Variants in AKT3 observed in about 807,000 individuals in gnomAD.
The protein encoded by AKT3 is RAC-gamma serine/threonine-protein kinase.
A neutral mutation model predicts 65.3 loss-of-function variants in AKT3; 15 were observed. The observed-to-expected ratio is 0.23, with a 90% CI of 0.15 to 0.35. AKT3 has a LOEUF of 0.35. Among genes scored for constraint, AKT3 ranks in the 10% least tolerant of loss-of-function variants. The probability of loss-of-function intolerance (pLI) is 1.00; values close to 1 mark genes in which losing one functional copy is unlikely to be tolerated. For synonymous variants in AKT3, 206 were observed against 183.8 expected, an observed-to-expected ratio of 1.12 and a Z score of -0.98; for missense variants, 243 against 576.5, an observed-to-expected ratio of 0.42 and a Z score of 5.92.
At chr1:243,751,627 T>C (rs1191249341) in intron 2 of AKT3, among the ~76,000 whole-genome samples, 1 of 152,156 alleles carries the variant, frequency 6.6e-6, no homozygotes, top group Admixed American at 6.5e-5. Context: ...GGCACTTTGA[T>C]CTGGAAGATA....
chr1:243,668,856 C>A (rs746990438), intron 3 of AKT3, among the ~76,000 whole-genome samples: 4 of 152,002 alleles, frequency 2.6e-5, no homozygotes, highest in Admixed American at 2.6e-4. Context: ...AAAGTGAGAA[C>A]CTGGGGATGT....
intron 2 of AKT3, among the ~76,000 whole-genome samples, chr1:243,831,754 C>T (rs908743054): frequency 6.6e-5 from 10 of 152,086 alleles, no homozygotes; most frequent in Admixed American, 6.6e-5. Flanking sequence ...GATACTCCCC[C>T]TTTTCCATAC....
At chr1:243,494,111 A>G (rs1667234335) in intron 13 of AKT3, among the ~76,000 whole-genome samples, 1 of 152,238 alleles carries the variant, frequency 6.6e-6, no homozygotes, top group Non-Finnish European at 1.5e-5. Context: ...TGAATAGAAC[A>G]GCAAATACAT....
chr1:243,766,408 A>G (rs555138928), intron 2 of AKT3, among the ~76,000 whole-genome samples: 30 of 152,214 alleles, frequency 2.0e-4, no homozygotes, highest in Non-Finnish European at 4.0e-4. Flanking sequence ...ACTTTAATAG[A>G]GAATCTACTG....
intron 3 of AKT3, among the ~76,000 whole-genome samples, chr1:243,694,852 G>A (rs1018490805): frequency 1.2e-4 from 18 of 151,708 alleles, no homozygotes; most frequent in African/African-American, 4.4e-4. Flanking sequence ...TAAGGATATT[G>A]TCTCGTTAAA....
chr1:243,827,492 C>T (rs182084862), intron 2 of AKT3, among the ~76,000 whole-genome samples: 6 of 151,818 alleles, frequency 4.0e-5, no homozygotes, highest in Non-Finnish European at 2.9e-5. Flanking sequence ...GTTTGTATTC[C>T]ACATTAAAAA....
At chr1:243,759,038 G>C (rs1689325734) in intron 2 of AKT3, among the ~76,000 whole-genome samples, 1 of 152,218 alleles carries the variant, frequency 6.6e-6, no homozygotes, top group African/African-American at 2.4e-5. Context: ...ACAGAATAAA[G>C]GGAGGTGGCT....
chr1:243,840,295 T>C (rs1410518715), intron 2 of AKT3, among the ~76,000 whole-genome samples: 1 of 152,070 alleles, frequency 6.6e-6, no homozygotes, highest in Non-Finnish European at 1.5e-5. Context: ...AATCCATTTG[T>C]TCTCCAATGA....
At chr1:243,742,885 G>A (rs1688249250) in intron 2 of AKT3, among the ~76,000 whole-genome samples, 1 of 150,142 alleles carries the variant, frequency 6.7e-6, no homozygotes, top group Non-Finnish European at 1.5e-5. Flanking sequence ...GACCATTTAC[G>A]AAAATGAAAC....
At chr1:243,758,483 C>G (rs1445244235) in intron 2 of AKT3, among the ~76,000 whole-genome samples, 1 of 152,110 alleles carries the variant, frequency 6.6e-6, no homozygotes, top group Non-Finnish European at 1.5e-5. Flanking sequence ...GAGCATGAAG[C>G]AGGAAGTAGC....
chr1:243,787,163 C>T (rs1001319771), intron 2 of AKT3, among the ~76,000 whole-genome samples: 9 of 152,038 alleles, frequency 5.9e-5, no homozygotes, highest in African/African-American at 2.2e-4. Context: ...ATAAAGGCAA[C>T]GACAAAGTGA....
chr1:243,583,990 A>C (rs1675611209), intron 8 of AKT3, among the ~76,000 whole-genome samples: 1 of 152,186 alleles, frequency 6.6e-6, no homozygotes, highest in South Asian at 2.1e-4. Flanking sequence ...ATGGAACGAA[A>C]TTAAGACCTA....
intron 2 of AKT3, among the ~76,000 whole-genome samples, chr1:243,782,316 A>C (rs965656640): frequency 2.6e-5 from 4 of 152,236 alleles, no homozygotes; most frequent in Admixed American, 6.5e-5. Context: ...TAGGGAGCTT[A>C]TAAACATAGG....
chr1:243,604,842 T>C (rs1002754130), intron 8 of AKT3, among the ~76,000 whole-genome samples: 2 of 152,208 alleles, frequency 1.3e-5, no homozygotes, highest in African/African-American at 2.4e-5. Context: ...AAGTTGCTCA[T>C]TATTTAATAG....
chr1:243,801,726 T>C (rs569458995), intron 2 of AKT3, among the ~76,000 whole-genome samples: 37 of 152,320 alleles, frequency 2.4e-4, no homozygotes, highest in South Asian at 6.2e-4. Flanking sequence ...AAGGGCAGTT[T>C]TGCATATTTA....
intron 9 of AKT3, among the ~76,000 whole-genome samples, chr1:243,570,856 G>A (rs912485518): frequency 6.6e-6 from 1 of 152,134 alleles, no homozygotes; most frequent in Non-Finnish European, 1.5e-5. Context: ...TAAACTCAGG[G>A]AGCAGAGACC....
intron 1 of AKT3, among the ~76,000 whole-genome samples, chr1:243,848,018 G>C (rs1695590983): frequency 6.6e-6 from 1 of 152,098 alleles, no homozygotes; most frequent in Non-Finnish European, 1.5e-5. Flanking sequence ...GATTACTTTG[G>C]ACTATTTTTA....
At chr1:243,838,549 TA>T (rs1296945620) in intron 2 of AKT3, among the ~76,000 whole-genome samples, 2 of 152,144 alleles carry the variant, frequency 1.3e-5, no homozygotes, top group Non-Finnish European at 2.9e-5. Context: ...TGGACTTAGA[TA>T]AACACTCAAA....
chr1:243,810,705 C>T (rs1341226761), intron 2 of AKT3, among the ~76,000 whole-genome samples: 1 of 152,152 alleles, frequency 6.6e-6, no homozygotes, highest in Admixed American at 6.5e-5. Context: ...ATACCAAAGC[C>T]TGGCAGAGAC....
Sources: allele counts gnomAD v4.1 joint callset (sites outside exome capture counted in the v4.1 genomes callset), GRCh38; gene constraint gnomAD v4.1.1; transcripts MANE v1.5; gene names NCBI Gene and HGNC (gene_info 2026-07-23, HGNC 2026-07-21).